EFNA5: variants seen among roughly 807,000 people sequenced by gnomAD.
The protein encoded by EFNA5 is ephrin A5, also known as ephrin-A5.
EFNA5 carries 5 observed loss-of-function variants against 22.9 expected under a neutral mutation model. That is an observed-to-expected ratio of 0.22 (90% CI 0.11 to 0.46). EFNA5 has a LOEUF of 0.46. Among genes scored for constraint, EFNA5 ranks in the 20% least tolerant of loss-of-function variants. The pLI is 0.99. For synonymous variants in EFNA5, 113 were observed against 112.2 expected (o/e 1.01, Z -0.04); for missense variants, 237 against 293.3 (o/e 0.81, Z 1.40).
chr5:107,644,641 AG>A (rs1750593256), intron 1 of EFNA5, among the ~76,000 whole-genome samples: 1 of 152,198 alleles, frequency 6.6e-6, no homozygotes, highest in African/African-American at 2.4e-5. Context: ...CTCAATCAAG[AG>A]TTTAAGAAGT....
intron 1 of EFNA5, among the ~76,000 whole-genome samples, chr5:107,550,943 T>C (rs1201301885): frequency 1.3e-5 from 2 of 152,208 alleles, no homozygotes; most frequent in Non-Finnish European, 2.9e-5. Context: ...TATACAAATA[T>C]CACATTATAA....
At chr5:107,570,930 A>G (rs919157086) in intron 1 of EFNA5, among the ~76,000 whole-genome samples, 1 of 152,020 alleles carries the variant, frequency 6.6e-6, no homozygotes, top group African/African-American at 2.4e-5. Flanking sequence ...ACGAAAGTAA[A>G]CTCACTCTAC....
chr5:107,595,840 T>C (rs765172207), intron 1 of EFNA5, among the ~76,000 whole-genome samples: 1 of 152,172 alleles, frequency 6.6e-6, no homozygotes, highest in African/African-American at 2.4e-5. Context: ...AAATACGCAC[T>C]TCAAAGTGTC....
At chr5:107,508,747 A>G (rs1223611627) in intron 1 of EFNA5, among the ~76,000 whole-genome samples, 1 of 152,268 alleles carries the variant, frequency 6.6e-6, no homozygotes. Flanking sequence ...AGTATAAGCA[A>G]TAAATTATTC....
intron 1 of EFNA5, among the ~76,000 whole-genome samples, chr5:107,462,261 G>A (rs966162562): frequency 6.6e-6 from 1 of 151,966 alleles, no homozygotes; most frequent in Non-Finnish European, 1.5e-5. Flanking sequence ...CTGAAGAAAA[G>A]AATCAGCAAG....
intron 1 of EFNA5, among the ~76,000 whole-genome samples, chr5:107,528,391 T>TA (rs34991929): frequency 2.0e-5 from 3 of 152,240 alleles, no homozygotes; most frequent in Non-Finnish European, 2.9e-5. Context: ...TTAGTTTTTT[T>TA]ATTGGCATTA....
chr5:107,397,853 G>GTTGA (rs1747971317), intron 2 of EFNA5, among the ~76,000 whole-genome samples: 1 of 152,160 alleles, frequency 6.6e-6, no homozygotes, highest in African/African-American at 2.4e-5. Context: ...AGGCTTTTAT[G>GTTGA]TTGATTGAGT....
intron 1 of EFNA5, among the ~76,000 whole-genome samples, chr5:107,626,844 T>A (rs164841): frequency 0.67 from 101,402 of 152,006 alleles, 34,392 homozygotes; most frequent in Non-Finnish European, 0.74. Context: ...TTTCTTTGAC[T>A]TTCACAGTTG....
Position 107,507,810 on chromosome 5 carries a change from C to A in EFNA5, c.126-80301G>T, listed in dbSNP as rs191862492. Among the ~76,000 whole-genome samples, 18 of 152,238 alleles carry A rather than the reference C, an allele frequency of 1.2e-4. No homozygotes were observed. In the East Asian group the frequency reaches 1.7e-3, roughly 15 times the overall value. On this transcript the variant is annotated intron_variant, in intron 1 of 4. Coordinates refer to ENST00000333274, the MANE Select transcript of EFNA5 (RefSeq NM_001962.3). ...TGAATTAAATATAAAATTAATATCACCAGCATTTTTAATTTCTTGGTAAAA... is the reference window on the plus strand; with the variant it reads ...TGAATTAAATATAAAATTAATATCAACAGCATTTTTAATTTCTTGGTAAAA...
intron 1 of EFNA5, among the ~76,000 whole-genome samples, chr5:107,527,608 T>C (rs1250821191): frequency 6.6e-6 from 1 of 152,142 alleles, no homozygotes; most frequent in African/African-American, 2.4e-5. Context: ...AAGGTTCATC[T>C]AGATTGGGGT....
intron 1 of EFNA5, among the ~76,000 whole-genome samples, chr5:107,593,193 A>G (rs1749410356): frequency 6.6e-6 from 1 of 152,198 alleles, no homozygotes; most frequent in South Asian, 2.1e-4. Context: ...GATACTAATC[A>G]GATACAGAGA....
At chr5:107,610,935 C>T (rs902399213) in intron 1 of EFNA5, among the ~76,000 whole-genome samples, 2 of 152,108 alleles carry the variant, frequency 1.3e-5, no homozygotes, top group African/African-American at 4.8e-5. Flanking sequence ...GTGTTATTCC[C>T]GCTGAGCCTC....
At chr5:107,644,730 C>T (rs1026750103) in intron 1 of EFNA5, among the ~76,000 whole-genome samples, 1 of 152,122 alleles carries the variant, frequency 6.6e-6, no homozygotes, top group Admixed American at 6.5e-5. Context: ...TTGAGACAGT[C>T]TTGCCCTGCC....
At chr5:107,387,564 A>G (rs1747661185) in intron 3 of EFNA5, 142 bp downstream of exon 3, 4 of 689,724 alleles carry the variant, frequency 5.8e-6, no homozygotes, top group Non-Finnish European at 1.0e-5. Flanking sequence ...ATATGATGAA[A>G]ACTAAAATAT....
At chr5:107,606,538 A>AACACACACACAC (rs58031827) in intron 1 of EFNA5, among the ~76,000 whole-genome samples, 6 of 144,082 alleles carry the variant, frequency 4.2e-5, no homozygotes, top group East Asian at 2.0e-4. Flanking sequence ...TTGCACGTAC[A>AACACACACACAC]ACACACACAC....
At chr5:107,504,197 T>C (rs138739925) in intron 1 of EFNA5, among the ~76,000 whole-genome samples, 1 of 152,142 alleles carries the variant, frequency 6.6e-6, no homozygotes, top group African/African-American at 2.4e-5. Flanking sequence ...GAGAGGGTAT[T>C]TTTTAAATTA....
chr5:107,657,882 G>A (rs1430791824), intron 1 of EFNA5, among the ~76,000 whole-genome samples: 1 of 152,040 alleles, frequency 6.6e-6, no homozygotes, highest in Non-Finnish European at 1.5e-5. Flanking sequence ...AAAAAACGCA[G>A]AGTAATCTTC....
At chr5:107,425,929 G>T (rs1016938882) in intron 2 of EFNA5, among the ~76,000 whole-genome samples, 2 of 152,148 alleles carry the variant, frequency 1.3e-5, no homozygotes, top group Non-Finnish European at 2.9e-5. Context: ...GGTGAAAGTC[G>T]ATGCTAAGCA....
intron 1 of EFNA5, among the ~76,000 whole-genome samples, chr5:107,469,007 CT>C (rs1414102490): frequency 6.6e-6 from 1 of 152,208 alleles, no homozygotes; most frequent in East Asian, 1.9e-4. Flanking sequence ...AAACCACATT[CT>C]GCCACAACCA....
Sources: allele counts gnomAD v4.1 joint callset (sites outside exome capture counted in the v4.1 genomes callset), GRCh38; gene constraint gnomAD v4.1.1; transcripts MANE v1.5; gene names NCBI Gene and HGNC (gene_info 2026-07-23, HGNC 2026-07-21).